The following PTPRN2 variants were observed in gnomAD, a reference collection of about 807,000 sequenced individuals.
The protein encoded by PTPRN2 is protein tyrosine phosphatase receptor type N2.
PTPRN2 carries 74 observed loss-of-function variants against 118.8 expected under a neutral mutation model. The ratio of observed to expected loss-of-function variants is 0.62; its 90% CI spans 0.52 to 0.76. The LOEUF is 0.76. Ranked by LOEUF, PTPRN2 falls within the 30% of genes least tolerant of loss-of-function variation. PTPRN2 has a pLI of 0.00. For synonymous variants in PTPRN2, 641 were observed against 608.0 expected (o/e 1.05, Z -0.80); for missense variants, 1,481 against 1,394.4 (o/e 1.06, Z -0.99).
chr7:158,421,319 G>C (rs1236649754), intron 2 of PTPRN2, among the ~76,000 whole-genome samples: 1 of 152,194 alleles, frequency 6.6e-6, no homozygotes, highest in Non-Finnish European at 1.5e-5. Flanking sequence ...GAACATGTAA[G>C]GCTGAGTTTG....
chr7:158,314,680 T>TGTCC (rs113982547), intron 3 of PTPRN2, among the ~76,000 whole-genome samples: 1 of 152,136 alleles, frequency 6.6e-6, no homozygotes, highest in Non-Finnish European at 1.5e-5. Flanking sequence ...CACACGCGTT[T>TGTCC]CTCTCAACCC....
chr7:157,579,196 T>C (rs891221171), intron 17 of PTPRN2, among the ~76,000 whole-genome samples: 5 of 152,238 alleles, frequency 3.3e-5, no homozygotes, highest in African/African-American at 1.2e-4. Flanking sequence ...ATTTATGTTC[T>C]CACGGGGCTG....
rs1801729065 is a variant in PTPRN2 at position 157,964,079 on chromosome 7, T to G, written c.1724-65342A>C. Among the ~76,000 whole-genome samples, 2 of 152,202 alleles carry G rather than the reference T, an allele frequency of 1.3e-5. No homozygotes were observed. Among genetic ancestry groups the G allele is most frequent in the Non-Finnish European group, 2.9e-5 (2 of 68,044 alleles). ...TTCCCAATAGATCTTAGTCTTCATC[T>G]GTAAGAGGCTGTTGAGGGCACGACC... On this transcript the variant is annotated intron_variant, in intron 11 of 22. Coordinates refer to ENST00000389418, the MANE Select transcript of PTPRN2 (RefSeq NM_002847.5). This position sits in a 1 kb window ranked among gnomAD's most constrained non-coding sequence, Gnocchi z 9.0.
intron 2 of PTPRN2, among the ~76,000 whole-genome samples, chr7:158,435,432 A>G (rs1047438223): frequency 2.6e-5 from 4 of 152,158 alleles, no homozygotes; most frequent in African/African-American, 4.8e-5. Flanking sequence ...GATACCTATT[A>G]TCAGAAAAAA....
rs181441623 is a variant in PTPRN2 at position 157,724,722 on chromosome 7, C to G, written c.1789-41785G>C. Among the ~76,000 whole-genome samples the G allele has an allele frequency of 2.0e-5, 3 of 152,352 alleles. No individual in the cohort carries two copies. In the South Asian group the frequency reaches 6.2e-4, roughly 32 times the overall value. On this transcript the variant is annotated intron_variant, in intron 12 of 22. Coordinates refer to ENST00000389418, the MANE Select transcript of PTPRN2 (RefSeq NM_002847.5). ...AAGATATCAGGCCATTTCTTGACTA[C>G]TGCCCTGAAAGTGAATAACAGCGTA...
rs576120778 is a variant in PTPRN2 at position 157,935,807 on chromosome 7, C to T, written c.1724-37070G>A. Among the ~76,000 whole-genome samples the T allele has an allele frequency of 2.6e-5, 4 of 151,702 alleles. No homozygotes were observed. In the South Asian group the frequency reaches 6.3e-4, roughly 24 times the overall value. On this transcript the variant is annotated intron_variant, in intron 11 of 22. Coordinates refer to ENST00000389418, the MANE Select transcript of PTPRN2 (RefSeq NM_002847.5). ...TCCCTCAGGGGGGTCTAGCCATCCT[C>T]AGCATCTGTGTCACTCCCTCAGGGG...
At chr7:158,352,316 C>T (rs1808059467) in intron 2 of PTPRN2, among the ~76,000 whole-genome samples, 1 of 128,432 alleles carries the variant, frequency 7.8e-6, no homozygotes, top group African/African-American at 2.9e-5. Flanking sequence ...GCTCCCCTCC[C>T]TGCCAGCTAC....
chr7:158,401,198 C>G (rs1366714912), intron 2 of PTPRN2, among the ~76,000 whole-genome samples: 2 of 140,626 alleles, frequency 1.4e-5, no homozygotes, highest in African/African-American at 2.7e-5. Context: ...GGAAGGCGGG[C>G]TCCAAGCCCC....
At chr7:157,969,890 T>A (rs766359310) in intron 11 of PTPRN2, among the ~76,000 whole-genome samples, 1 of 151,166 alleles carries the variant, frequency 6.6e-6, no homozygotes, top group South Asian at 2.1e-4. Flanking sequence ...TTGGGGGAAA[T>A]TCCCCAAGAA....
intron 13 of PTPRN2, among the ~76,000 whole-genome samples, chr7:157,682,351 G>C (rs907020287): frequency 6.6e-6 from 1 of 152,196 alleles, no homozygotes; most frequent in African/African-American, 2.4e-5. Flanking sequence ...GATGATTTTT[G>C]AGACATCTTC....
At chr7:157,638,080 C>A (rs928636434) in intron 14 of PTPRN2, among the ~76,000 whole-genome samples, 1 of 152,218 alleles carries the variant, frequency 6.6e-6, no homozygotes, top group Non-Finnish European at 1.5e-5. Context: ...GCTATATGCA[C>A]ATGAGCAATA....
chr7:157,746,795 G>A (rs1368789176), intron 12 of PTPRN2, among the ~76,000 whole-genome samples: 1 of 152,220 alleles, frequency 6.6e-6, no homozygotes, highest in Non-Finnish European at 1.5e-5. Flanking sequence ...GCAGTTGAGG[G>A]GGATGGTGAG....
chr7:158,394,728 G>A (rs768782776), intron 2 of PTPRN2, among the ~76,000 whole-genome samples: 23 of 152,230 alleles, frequency 1.5e-4, no homozygotes, highest in Non-Finnish European at 1.6e-4. Flanking sequence ...TCAGGACGGG[G>A]CGACAAGGAC....
intron 5 of PTPRN2, among the ~76,000 whole-genome samples, chr7:158,168,368 C>G (rs115701435): frequency 6.6e-6 from 1 of 152,328 alleles, no homozygotes; most frequent in South Asian, 2.1e-4. Flanking sequence ...TCGGCGGTGC[C>G]TCCCTGGTGG....
intron 11 of PTPRN2, among the ~76,000 whole-genome samples, chr7:158,044,010 G>A (rs1174423620): frequency 6.6e-6 from 1 of 152,260 alleles, no homozygotes; most frequent in Non-Finnish European, 1.5e-5. Context: ...CGCCGAGGCT[G>A]TGATGGGCAG....
chr7:157,800,565 G>T (rs940037309), intron 12 of PTPRN2, among the ~76,000 whole-genome samples: 1 of 152,190 alleles, frequency 6.6e-6, no homozygotes, highest in African/African-American at 2.4e-5. Flanking sequence ...GGAAATAGAT[G>T]TTGTGTTTTC....
At chr7:158,436,382 G>A (rs572469137) in intron 2 of PTPRN2, among the ~76,000 whole-genome samples, 67 of 150,108 alleles carry the variant, frequency 4.5e-4, no homozygotes, top group Non-Finnish European at 9.3e-4. Context: ...GGAGTCTCTC[G>A]AGTTCTGTCT....
intron 3 of PTPRN2, among the ~76,000 whole-genome samples, chr7:158,250,580 CCCA>C (rs773937706): frequency 2.0e-5 from 3 of 152,106 alleles, no homozygotes; most frequent in Non-Finnish European, 4.4e-5. Flanking sequence ...ACACATCCCC[CCCA>C]CATCCACACA....
intron 3 of PTPRN2, among the ~76,000 whole-genome samples, chr7:158,245,687 T>G (rs1304379213): frequency 1.3e-5 from 2 of 152,144 alleles, no homozygotes; most frequent in African/African-American, 4.8e-5. Flanking sequence ...GGGAGCTGCC[T>G]TCTAGGCCCC....
Sources: allele counts gnomAD v4.1 joint callset (sites outside exome capture counted in the v4.1 genomes callset), GRCh38; gene constraint gnomAD v4.1.1; non-coding constraint Gnocchi (gnomAD v3.1); transcripts MANE v1.5; gene names NCBI Gene and HGNC (gene_info 2026-07-23, HGNC 2026-07-21).